Variants in ANXA8 observed in about 807,000 individuals in gnomAD.
ANXA8 encodes the protein annexin A8, also known as VAC-beta.
A neutral mutation model predicts 26.8 loss-of-function variants in ANXA8; 9 were observed. The ratio of observed to expected loss-of-function variants is 0.34; its 90% CI spans 0.20 to 0.59. The LOEUF is 0.59. ANXA8 is among the 20% of genes least tolerant of loss of function. The probability of loss-of-function intolerance (pLI) is 0.84; values close to 1 mark genes in which losing one functional copy is unlikely to be tolerated. For synonymous variants in ANXA8, 39 were observed against 94.8 expected, an observed-to-expected ratio of 0.41 and a Z score of 3.42; for missense variants, 83 against 238.5, an observed-to-expected ratio of 0.35 and a Z score of 4.29.
the ANXA8 span, among the ~76,000 whole-genome samples, chr10:47,768,675 C>T: frequency 6.6e-6 from 1 of 151,624 alleles, no homozygotes; most frequent in Admixed American, 6.6e-5. Flanking sequence ...AGAGGACAGC[C>T]TGCCCTCCAG....
chr10:47,957,716 G>C, the ANXA8 span, among the ~76,000 whole-genome samples: 4 of 149,004 alleles, frequency 2.7e-5, no homozygotes, highest in South Asian at 6.3e-4. Flanking sequence ...TTAGGCTCCA[G>C]GCAAGGTTCT....
the ANXA8 span, among the ~76,000 whole-genome samples, chr10:47,721,541 T>A: frequency 2.1e-5 from 3 of 140,332 alleles, no homozygotes; most frequent in South Asian, 4.5e-4. Flanking sequence ...CTTTTTTTTT[T>A]ATTTTTTGAG....
At chr10:47,921,775 A>AT in the ANXA8 span, among the ~76,000 whole-genome samples, 1 of 151,714 alleles carries the variant, frequency 6.6e-6, no homozygotes, top group Non-Finnish European at 1.5e-5. Flanking sequence ...CAATCATTGG[A>AT]TGCCAATGTC....
At chr10:47,942,124 C>T in the ANXA8 span, among the ~76,000 whole-genome samples, 1,168 of 147,240 alleles carry the variant, frequency 7.9e-3, 70 homozygotes, top group Non-Finnish European at 0.01. Flanking sequence ...GAGGGAAATA[C>T]CCCAGTGATC....
chr10:47,989,291 T>C, the ANXA8 span, among the ~76,000 whole-genome samples: 1,218 of 127,974 alleles, frequency 9.5e-3, 7 homozygotes, highest in Middle Eastern at 0.026. Flanking sequence ...GGGAGGCATC[T>C]CAGCTCTCAG....
the ANXA8 span, among the ~76,000 whole-genome samples, chr10:47,615,246 T>C: frequency 4.1e-5 from 3 of 73,980 alleles, 1 homozygote; most frequent in Admixed American, 1.4e-4. Flanking sequence ...GTAGCTACAA[T>C]TCCTCAGCAT....
chr10:47,762,995 C>G, the ANXA8 span: 2 of 1,195,526 alleles, frequency 1.7e-6, no homozygotes, highest in Non-Finnish European at 2.1e-6. Flanking sequence ...GGTGAGAGTA[C>G]CACCCCCATC....
At chr10:47,485,953 A>G (rs1366451190), upstream of ANXA8, among the ~76,000 whole-genome samples, 4 of 151,834 alleles carry the variant, frequency 2.6e-5, no homozygotes. Context: ...CTAAAAATAC[A>G]AAAAATTAGC....
the ANXA8 span, among the ~76,000 whole-genome samples, chr10:47,747,097 G>C: frequency 2.1e-5 from 3 of 144,344 alleles, no homozygotes; most frequent in Non-Finnish European, 4.6e-5. Context: ...AAAACACAAG[G>C]AGGCAAGCTG....
chr10:47,655,549 G>A, the ANXA8 span, among the ~76,000 whole-genome samples: 33 of 151,476 alleles, frequency 2.2e-4, no homozygotes, highest in Non-Finnish European at 2.9e-4. Context: ...GAAACCAGAA[G>A]GTGGCTGCTG....
At chr10:47,958,585 C>G in the ANXA8 span, among the ~76,000 whole-genome samples, 2 of 148,454 alleles carry the variant, frequency 1.3e-5, no homozygotes, top group African/African-American at 5.1e-5. Context: ...GCTTCGCCTC[C>G]TCCTCTAACA....
chr10:47,684,905 C>T, the ANXA8 span, among the ~76,000 whole-genome samples: 1 of 149,518 alleles, frequency 6.7e-6, no homozygotes, highest in Admixed American at 6.6e-5. Flanking sequence ...TTTTTTTAAG[C>T]TCATTAGCTA....
At chr10:47,469,657 C>A (rs1839254406) in intron 11 of ANXA8, among the ~76,000 whole-genome samples, 3 of 151,354 alleles carry the variant, frequency 2.0e-5, no homozygotes, top group Admixed American at 2.0e-4. Flanking sequence ...GTCAGATCAC[C>A]CAGATTCTTC....
At chr10:47,690,911 T>C in the ANXA8 span, 10 of 1,611,146 alleles carry the variant, frequency 6.2e-6, no homozygotes, top group Admixed American at 1.7e-5. Context: ...GCTAAGAAAA[T>C]GAAGTTGATT....
At chr10:47,644,164 A>T in the ANXA8 span, among the ~76,000 whole-genome samples, 7 of 142,098 alleles carry the variant, frequency 4.9e-5, no homozygotes, top group African/African-American at 2.0e-4. Context: ...AACACTCTTT[A>T]GTGTCTTCAA....
At chr10:47,941,963 T>C in the ANXA8 span, among the ~76,000 whole-genome samples, 1 of 147,692 alleles carries the variant, frequency 6.8e-6, no homozygotes, top group Non-Finnish European at 1.5e-5. Context: ...TGTCCAGCAA[T>C]CAGAGAAGGC....
At chr10:47,647,685 T>C in the ANXA8 span, among the ~76,000 whole-genome samples, 2 of 148,766 alleles carry the variant, frequency 1.3e-5, no homozygotes, top group Non-Finnish European at 2.9e-5. Context: ...CAAAAAAGCA[T>C]ATAAAGTCAC....
At chr10:47,932,732 G>T in the ANXA8 span, among the ~76,000 whole-genome samples, 1 of 86,426 alleles carries the variant, frequency 1.2e-5, no homozygotes, top group East Asian at 2.8e-4. Context: ...CTGTCTTTCT[G>T]TCTCTCTCTC....
chr10:47,485,593 T>C (rs1330259873), upstream of ANXA8, among the ~76,000 whole-genome samples: 1 of 152,012 alleles, frequency 6.6e-6, no homozygotes, highest in Non-Finnish European at 1.5e-5. Context: ...CCTTTTTTTC[T>C]CATTTCTGCT....
Sources: gnomAD v4.1 joint callset for allele counts (sites outside exome capture counted in the v4.1 genomes callset) on GRCh38, gnomAD v4.1.1 for gene constraint, MANE v1.5 for transcripts, NCBI Gene and HGNC (gene_info 2026-07-23, HGNC 2026-07-21) for gene names.